The following PLXNC1 variants were observed in gnomAD, a reference collection of about 807,000 sequenced individuals.
PLXNC1 encodes the protein plexin C1, also known as plexin-C1.
A neutral mutation model predicts 178.2 loss-of-function variants in PLXNC1; 75 were observed. The observed-to-expected ratio is 0.42, with a 90% confidence interval of 0.35 to 0.51. PLXNC1 has a LOEUF of 0.51. Ranked by LOEUF, PLXNC1 falls within the 20% of genes least tolerant of loss-of-function variation. The pLI is 0.02. For synonymous variants in PLXNC1, 790 were observed against 779.9 expected, an observed-to-expected ratio of 1.01 and a Z score of -0.22; for missense variants, 1,503 against 1,984.4, an observed-to-expected ratio of 0.76 and a Z score of 4.61.
At position 94,255,195 on chromosome 12, in the gene PLXNC1, T is replaced by C; in HGVS notation, c.2986T>C (p.Phe996Leu). Residue 996 changes from phenylalanine (F) to leucine (L), a missense_variant and splice_region_variant, in exon 17 of 31, where the codon TTT becomes CTT. Phe to Leu is a conservative substitution (Grantham distance 22, BLOSUM62 0). Coordinates refer to ENST00000258526, the MANE Select transcript of PLXNC1 (RefSeq NM_005761.3). The stretch of plus-strand genomic sequence containing the variant: ...GCTCTTGGGATTCTGTTTTGCAGGC[T>C]TTGCTGAGCTGCAGATGGATAAATT... Reference protein sequence around the residue: ...SELRKEIRDGFAELQMDKLDV... With the variant: ...SELRKEIRDGLAELQMDKLDV... The C allele has an allele frequency of 6.2e-7, 1 of 1,611,868 alleles. No individual in the cohort carries two copies. The highest frequency in any genetic ancestry group is 8.5e-7 in the Non-Finnish European group (1 of 1,177,864).
chr12:94,230,932 C>G (rs553037580), intron 9 of PLXNC1, among the ~76,000 whole-genome samples: 1 of 152,294 alleles, frequency 6.6e-6, no homozygotes, highest in Admixed American at 6.5e-5. Context: ...TGCAAGTATA[C>G]CGACCTCCAC....
intron 9 of PLXNC1, among the ~76,000 whole-genome samples, chr12:94,231,424 C>T (rs1964099299): frequency 6.6e-6 from 1 of 152,138 alleles, no homozygotes; most frequent in South Asian, 2.1e-4. Flanking sequence ...GCCTCACATA[C>T]CAGTCCTGTG....
In PLXNC1 at chr12:94,255,304, A is replaced by G. The variant is rs768720097; in HGVS notation, c.3087+8A>G. 4 of 1,536,816 alleles carry G rather than the reference A, an allele frequency of 2.6e-6. No homozygotes were observed. The highest frequency in any genetic ancestry group is 3.6e-6 in the Non-Finnish European group (4 of 1,109,388). On this transcript the variant is annotated splice_region_variant and intron_variant, in intron 17 of 30. Coordinates refer to ENST00000258526, the MANE Select transcript of PLXNC1 (RefSeq NM_005761.3). Reference sequence around the variant, plus strand: ...AGAACTTTCTTCCCTGAGGTAAAAGAGCATTGATCATATTCCGAAGGTTGA... The same window carrying G: ...AGAACTTTCTTCCCTGAGGTAAAAGGGCATTGATCATATTCCGAAGGTTGA...
At position 94,306,022 on chromosome 12, in the gene PLXNC1, C is replaced by G. The variant is rs1179210368; in HGVS notation, c.*737C>G. On this transcript the variant is annotated 3_prime_UTR_variant, in exon 31 of 31. Coordinates refer to ENST00000258526, the MANE Select transcript of PLXNC1 (RefSeq NM_005761.3). ...AGATACTTTGTCCTAATGTATGTTC[C>G]TTTTCTTCATCTGTTTTTTCATACT... The G allele has an allele frequency of 1.3e-5, 2 of 152,032 alleles. 1 individual carries two copies. The highest frequency in any genetic ancestry group is 4.8e-5 in the African/African-American group (2 of 41,386). The allele number at this position is 152,032 out of a possible 1,614,324, so 9.4% of individuals were successfully genotyped here.
In PLXNC1 at chr12:94,298,619, G is replaced by A; in HGVS notation, c.4075-13G>A. 6.4e-7 allele frequency: 1 copy of A among 1,574,580 alleles called. No homozygotes were observed. Among genetic ancestry groups the A allele is most frequent in the African/African-American group, 1.4e-5 (1 of 72,624 alleles). ...TTTTTAATCTCCCAAATCTGATGTT[G>A]TCTATCTTTCAGGTGGCAATTCATT... is the stretch of plus-strand genomic sequence containing the variant. On this transcript the variant is annotated splice_polypyrimidine_tract_variant and intron_variant, in intron 26 of 30. Coordinates refer to ENST00000258526, the MANE Select transcript of PLXNC1 (RefSeq NM_005761.3).
At chr12:94,167,034 A>G (rs1345201841) in intron 1 of PLXNC1, among the ~76,000 whole-genome samples, 1 of 152,082 alleles carries the variant, frequency 6.6e-6, no homozygotes, top group African/African-American at 2.4e-5. Flanking sequence ...TATACTACTG[A>G]TCCCGGACTT....
At position 94,149,939 on chromosome 12, in the gene PLXNC1, C is replaced by G. The variant is rs1420986735; in HGVS notation, c.968C>G (p.Pro323Arg). 1.3e-6 allele frequency: 2 copies of G among 1,586,984 alleles called. No individual in the cohort carries two copies. Among genetic ancestry groups the G allele is most frequent in the African/African-American group, 2.7e-5 (2 of 74,282 alleles). ...GGAGAGGGCCAGGAGCGGCGCTCCC[C>G]CACCACCACGGCGCTCTGCCTCTTC... ...AAGEGQERRS[P>R]TTTALCLFRM... Residue 323 changes from proline to arginine, a missense_variant, in exon 1 of 31, where the codon CCC becomes CGC. Pro to Arg is a moderately radical substitution (Grantham distance 103). This residue lies in a region of PLXNC1 where 615 missense variants were observed against 698.6 expected (regional missense o/e 0.88). Coordinates refer to ENST00000258526, the MANE Select transcript of PLXNC1 (RefSeq NM_005761.3).
At chr12:94,155,915 G>T (rs1249539164) in intron 1 of PLXNC1, among the ~76,000 whole-genome samples, 2 of 152,216 alleles carry the variant, frequency 1.3e-5, no homozygotes, top group African/African-American at 4.8e-5. Flanking sequence ...CAGATAAAGG[G>T]ATGAGGGATA....
chr12:94,224,310 A>C lies in PLXNC1; in HGVS notation c.1785A>C (p.Leu595Phe), dbSNP rs1193437749. Residue 595 changes from leucine (L) to phenylalanine (F), a missense_variant, in exon 7 of 31, where the codon TTA (leucine) becomes TTC (phenylalanine). Transcript: ENST00000258526. ...TCAACTTTACCAACTGCTCATCATT[A>C]AAAGAGTAAGATTTTATTTGAAATT... Reference protein sequence around the residue: ...DRFNFTNCSSLKECPACVETG... With the variant: ...DRFNFTNCSSFKECPACVETG... The C allele has an allele frequency of 6.8e-7, 1 of 1,472,598 alleles. No individual in the cohort carries two copies. Among genetic ancestry groups the C allele is most frequent in the Non-Finnish European group, 9.5e-7 (1 of 1,050,986 alleles). 91.2% of individuals were successfully genotyped at this position (1,472,598 alleles called of 1,614,324 possible).
intron 4 of PLXNC1, among the ~76,000 whole-genome samples, chr12:94,189,889 C>T (rs1043187092): frequency 3.3e-5 from 5 of 152,216 alleles, no homozygotes; most frequent in Admixed American, 6.5e-5. Flanking sequence ...AAATCGCAGT[C>T]ACCAAGAGAG....
In PLXNC1 at chr12:94,250,080, G is replaced by GGCAGAGGGAGCAGAGGGAGCAGAGGGA. The variant is rs369134393; in HGVS notation, c.2779-1321_2779-1320insGAGCAGAGGGAGCAGAGGGAGCAGAGG. On this transcript the variant is annotated intron_variant, in intron 14 of 30. Coordinates refer to ENST00000258526, the MANE Select transcript of PLXNC1 (RefSeq NM_005761.3). ...GGGCTATCTGGGGTAGAACGTTCTAGGCAGAGGGAGCAGAGGGAGCAGAGG... is the reference window on the plus strand; with the variant it reads ...GGGCTATCTGGGGTAGAACGTTCTAGGCAGAGGGAGCAGAGGGAGCAGAGGGAGCAGAGGGAGCAGAGGGAGCAGAGG... 2.0e-5 allele frequency among the ~76,000 whole-genome samples: 3 copies of GGCAGAGGGAGCAGAGGGAGCAGAGGGA among 152,172 alleles called. No individual in the cohort carries two copies. The East Asian group carries it at 5.8e-4, about 29-fold the overall frequency.
At position 94,301,034 on chromosome 12, in the gene PLXNC1, C is replaced by G; in HGVS notation, c.4363C>G (p.Leu1455Val). Reference sequence around the variant, plus strand: ...CCAGGCATTCATGGATGCATTTTCTCTCACAGAGCAGCAACTAGGGAAGGT... The same window carrying G: ...CCAGGCATTCATGGATGCATTTTCTGTCACAGAGCAGCAACTAGGGAAGGT... Reference protein sequence around the residue: ...IAQAFMDAFSLTEQQLGKEAP... With the variant: ...IAQAFMDAFSVTEQQLGKEAP... Residue 1455 changes from leucine to valine, a missense_variant, in exon 28 of 31, where the codon CTC becomes GTC. Physicochemically the swap from Leu to Val is conservative, Grantham distance 32 (BLOSUM62 1). This residue lies in a region of PLXNC1 where 639 missense variants were observed against 979.7 expected (regional missense o/e 0.65). Transcript: ENST00000258526. 7 of 1,613,832 alleles carry G rather than the reference C, an allele frequency of 4.3e-6. No homozygotes were observed. Among genetic ancestry groups the G allele is most frequent in the Non-Finnish European group, 5.9e-6 (7 of 1,179,772 alleles).
intron 1 of PLXNC1, among the ~76,000 whole-genome samples, chr12:94,157,568 C>T (rs1324824064): frequency 6.6e-6 from 1 of 152,192 alleles, no homozygotes; most frequent in African/African-American, 2.4e-5. Flanking sequence ...TACATGATCA[C>T]AAAAACAAAT....
At chr12:94,290,295 G>A (rs1025730624) in intron 23 of PLXNC1, among the ~76,000 whole-genome samples, 1 of 152,234 alleles carries the variant, frequency 6.6e-6, no homozygotes, top group African/African-American at 2.4e-5. Flanking sequence ...CTCGGTGTCT[G>A]AGTATTGCTA....
At chr12:94,198,088 G>A (rs1962984355) in intron 4 of PLXNC1, among the ~76,000 whole-genome samples, 2 of 152,164 alleles carry the variant, frequency 1.3e-5, no homozygotes, top group Non-Finnish European at 2.9e-5. Flanking sequence ...TATGTTCATT[G>A]CAGCACTATT....
rs1964957771 is a variant in PLXNC1 at position 94,260,244 on chromosome 12, G to T, written c.3252-398G>T. 6.6e-6 allele frequency among the ~76,000 whole-genome samples: 1 copy of T among 152,010 alleles called. No homozygotes were observed. Among genetic ancestry groups the T allele is most frequent in the South Asian group, 2.1e-4 (1 of 4,826 alleles). On this transcript the variant is annotated intron_variant, in intron 19 of 30. Transcript: ENST00000258526. This position sits in a 1 kb window ranked among gnomAD's most constrained non-coding sequence, Gnocchi z 4.4. ...AATGTTTTGTTGTTGTTGTAGTAGA[G>T]ATGGGGTCTTGCTATATTGCCCAGG...
In PLXNC1 at chr12:94,306,789, C is replaced by G. The variant is rs565249842; in HGVS notation, c.*1504C>G. On this transcript the variant is annotated 3_prime_UTR_variant, in exon 31 of 31. Coordinates refer to ENST00000258526, the MANE Select transcript of PLXNC1 (RefSeq NM_005761.3). Reference sequence around the variant, plus strand: ...GAAAAGCATGAGAGAGGTGACACCTCAACAAACTGATCAGAGAAAATAAGC... The same window carrying G: ...GAAAAGCATGAGAGAGGTGACACCTGAACAAACTGATCAGAGAAAATAAGC... 3 of 152,174 alleles carry G rather than the reference C, an allele frequency of 2.0e-5. No homozygotes were observed. The South Asian group carries it at 6.2e-4, about 31-fold the overall frequency. The allele number at this position is 152,174 out of a possible 1,614,324, so 9.4% of individuals were successfully genotyped here.
intron 6 of PLXNC1, among the ~76,000 whole-genome samples, chr12:94,222,355 C>G (rs995467925): frequency 6.6e-6 from 1 of 152,204 alleles, no homozygotes; most frequent in African/African-American, 2.4e-5. Flanking sequence ...TGACCATTGC[C>G]AAGCCTTTAT....
chr12:94,246,742 G>A (rs1403092790), intron 12 of PLXNC1, among the ~76,000 whole-genome samples: 1 of 152,096 alleles, frequency 6.6e-6, no homozygotes, highest in Non-Finnish European at 1.5e-5. Context: ...TCATCCTGAG[G>A]ACAGAAATGT....
Sources: allele counts gnomAD v4.1 joint callset (sites outside exome capture counted in the v4.1 genomes callset), GRCh38; gene constraint gnomAD v4.1.1; regional missense constraint gnomAD v4.1.1; non-coding constraint Gnocchi (gnomAD v3.1); transcripts MANE v1.5; gene names NCBI Gene and HGNC (gene_info 2026-07-23, HGNC 2026-07-21).